MECOM: variants seen among roughly 807,000 people sequenced by gnomAD.
MECOM encodes MDS1 and EVI1 complex locus.
A neutral mutation model predicts 116.3 loss-of-function variants in MECOM; 13 were observed. The observed-to-expected ratio is 0.11, with a 90% CI of 0.07 to 0.18. The LOEUF (loss-of-function observed/expected upper bound fraction) is 0.18, where lower values mean the gene tolerates loss of function less well. Ranked by LOEUF, MECOM falls within the 10% of genes least tolerant of loss-of-function variation. MECOM has a pLI of 1.00. For missense variants in MECOM, 1,299 were observed against 1,509.0 expected (o/e 0.86, Z 2.31); for synonymous variants, 528 against 535.2 (o/e 0.99, Z 0.19).
intron 2 of MECOM, among the ~76,000 whole-genome samples, chr3:169,211,773 T>C (rs947070947): frequency 2.0e-5 from 3 of 152,182 alleles, no homozygotes; most frequent in Non-Finnish European, 4.4e-5. Flanking sequence ...CTCCCAAATT[T>C]ATATCCTCAG....
At chr3:169,319,224 A>G (rs1203884787) in intron 2 of MECOM, among the ~76,000 whole-genome samples, 2 of 152,196 alleles carry the variant, frequency 1.3e-5, no homozygotes, top group Non-Finnish European at 2.9e-5. Context: ...GTACATATAC[A>G]CCATGCAATA....
intron 2 of MECOM, among the ~76,000 whole-genome samples, chr3:169,307,751 T>A (rs1256084787): frequency 6.6e-6 from 1 of 152,166 alleles, no homozygotes; most frequent in African/African-American, 2.4e-5. Flanking sequence ...CTACCATCCT[T>A]GTTTCCCATC....
intron 3 of MECOM, among the ~76,000 whole-genome samples, chr3:169,138,888 C>T (rs973871967): frequency 1.3e-5 from 2 of 151,886 alleles, no homozygotes; most frequent in African/African-American, 2.4e-5. Flanking sequence ...AATAATTGAG[C>T]CCATAATAAG....
intron 1 of MECOM, among the ~76,000 whole-genome samples, chr3:169,475,514 T>C (rs2108816117): frequency 6.6e-6 from 1 of 152,202 alleles, no homozygotes; most frequent in East Asian, 1.9e-4. Context: ...CCCTTTCTTT[T>C]AATGGACACA....
intron 1 of MECOM, among the ~76,000 whole-genome samples, chr3:169,581,704 G>T (rs928517928): frequency 6.6e-6 from 1 of 152,152 alleles, no homozygotes; most frequent in Non-Finnish European, 1.5e-5. Flanking sequence ...TTTCAGGACT[G>T]GGGGTGGGAG....
chr3:169,122,818 A>C, intron 5 of MECOM, 91 bp from the exon 6 acceptor site: 1 of 1,436,972 alleles, frequency 7.0e-7, no homozygotes, highest in Admixed American at 1.9e-5. Flanking sequence ...AATTAAAGAA[A>C]CAAGAAGGAA....
chr3:169,650,495 G>A (rs773104345), intron 1 of MECOM, among the ~76,000 whole-genome samples: 3 of 152,144 alleles, frequency 2.0e-5, no homozygotes, highest in Non-Finnish European at 2.9e-5. Flanking sequence ...GCTACAGCCT[G>A]TTCCAAGCAG....
At chr3:169,238,350 G>C (rs556369065) in intron 2 of MECOM, among the ~76,000 whole-genome samples, 1 of 152,042 alleles carries the variant, frequency 6.6e-6, no homozygotes, top group Non-Finnish European at 1.5e-5. Flanking sequence ...TCTTTCAGTA[G>C]ATGTATGAAC....
intron 2 of MECOM, among the ~76,000 whole-genome samples, chr3:169,214,494 T>G (rs987238382): frequency 2.0e-5 from 3 of 151,552 alleles, no homozygotes; most frequent in Admixed American, 6.6e-5. Context: ...TCGTAAATCA[T>G]TTTTCAGTTA....
rs1373658724 is a variant in MECOM at position 169,145,796 on chromosome 3, CATT to C, written c.376-1967_376-1965del. On this transcript the variant is annotated intron_variant, in intron 2 of 16. Transcript: ENST00000651503. ...TAGGTGTAATTTTATTCCGTGTTAA[CATT>C]ATTAGCATTGCCACTGTCAACAGCA... The C allele has an allele frequency of 4.7e-5, 10 of 214,374 alleles. No homozygotes were observed. In the South Asian group the frequency reaches 1.9e-3, roughly 40 times the overall value. The allele number at this position is 214,374 out of a possible 1,614,324, so 13.3% of individuals were successfully genotyped here.
At chr3:169,531,199 T>C (rs2109145858) in intron 1 of MECOM, among the ~76,000 whole-genome samples, 1 of 152,312 alleles carries the variant, frequency 6.6e-6, no homozygotes, top group African/African-American at 2.4e-5. Context: ...TACCAAACTA[T>C]CTCAGTGCCA....
At chr3:169,600,485 T>C (rs929414813) in intron 1 of MECOM, among the ~76,000 whole-genome samples, 2 of 152,116 alleles carry the variant, frequency 1.3e-5, no homozygotes, top group Admixed American at 1.3e-4. Context: ...ATCCCTAAAA[T>C]GTGCTAAGTA....
At chr3:169,408,362 T>C (rs1382319787) in intron 1 of MECOM, among the ~76,000 whole-genome samples, 1 of 152,120 alleles carries the variant, frequency 6.6e-6, no homozygotes, top group African/African-American at 2.4e-5. Flanking sequence ...GGATAATCAA[T>C]CGACATGCGA....
intron 1 of MECOM, 77 bp downstream of exon 1, chr3:169,663,230 CCCCGGCGCAAGAGGCAGCCCGCGCTCCCT>C: frequency 4.5e-6 from 6 of 1,344,666 alleles, no homozygotes; most frequent in Non-Finnish European, 6.2e-6. Flanking sequence ...CCACCCGGGG[CCCCGGCGCAAGAGGCAGCCCGCGCTCCCT>C]CCCGGAGCGC....
At chr3:169,139,397 G>GTTCGAATTAAAT (rs68193312) in intron 3 of MECOM, among the ~76,000 whole-genome samples, 1 of 151,724 alleles carries the variant, frequency 6.6e-6, no homozygotes, top group East Asian at 1.9e-4. Context: ...CAGGCCAGGA[G>GTTCGAATTAAAT]TGTGTTCCTT....
chr3:169,329,982 A>G (rs1722469289), intron 2 of MECOM, among the ~76,000 whole-genome samples: 1 of 152,194 alleles, frequency 6.6e-6, no homozygotes, highest in South Asian at 2.1e-4. Flanking sequence ...ATCTAAATCT[A>G]TTTCAAGAGT....
At chr3:169,636,622 A>G (rs1362770) in intron 1 of MECOM, among the ~76,000 whole-genome samples, 52,315 of 151,680 alleles carry the variant, frequency 0.34, 9,303 homozygotes, top group East Asian at 0.57. Context: ...GAACCTTTAG[A>G]CTTTCGAAGG....
At chr3:169,460,682 G>A (rs1032048992) in intron 1 of MECOM, among the ~76,000 whole-genome samples, 1 of 152,060 alleles carries the variant, frequency 6.6e-6, no homozygotes, top group East Asian at 1.9e-4. Context: ...AACAAATCTC[G>A]CTGAGAGTGG....
intron 2 of MECOM, among the ~76,000 whole-genome samples, chr3:169,258,486 T>C (rs1055047693): frequency 4.6e-5 from 7 of 152,308 alleles, no homozygotes; most frequent in Admixed American, 4.6e-4. Context: ...TCTATTACTG[T>C]TCTTCTAAAT....
Sources: allele counts gnomAD v4.1 joint callset (sites outside exome capture counted in the v4.1 genomes callset), GRCh38; gene constraint gnomAD v4.1.1; transcripts MANE v1.5; gene names NCBI Gene and HGNC (gene_info 2026-07-23, HGNC 2026-07-21).